The following SLC12A1 variants were observed in gnomAD, a reference collection of about 807,000 sequenced individuals.
The protein encoded by SLC12A1 is solute carrier family 12 member 1.
Under a neutral mutation model 130.4 loss-of-function variants are expected in SLC12A1, and 89 were observed. The observed-to-expected ratio is 0.68, with a 90% CI of 0.58 to 0.81. SLC12A1 has a LOEUF of 0.81. Among genes scored for constraint, SLC12A1 ranks in the 40% least tolerant of loss-of-function variants. The pLI is 0.00. For missense variants in SLC12A1, 1,310 were observed against 1,336.4 expected, an observed-to-expected ratio of 0.98 and a Z score of 0.31; for synonymous variants, 499 against 460.0, an observed-to-expected ratio of 1.08 and a Z score of -1.09.
intron 16 of SLC12A1, among the ~76,000 whole-genome samples, chr15:48,256,722 C>T (rs2041711148): frequency 6.6e-6 from 1 of 152,036 alleles, no homozygotes; most frequent in African/African-American, 2.4e-5. Context: ...TCAATTACCT[C>T]CCACTGGGTC....
chr15:48,298,731 T>C (rs1212053225), intron 24 of SLC12A1, among the ~76,000 whole-genome samples: 1 of 152,214 alleles, frequency 6.6e-6, no homozygotes, highest in Non-Finnish European at 1.5e-5. Context: ...ATGTCTCCCA[T>C]AGAGTCTGTA....
intron 15 of SLC12A1, 137 bp downstream of exon 15, chr15:48,251,907 T>C (rs891208361): frequency 8.2e-6 from 6 of 733,138 alleles, no homozygotes; most frequent in Non-Finnish European, 1.3e-5. Context: ...TGCAATATAA[T>C]AGTAACAATA....
chr15:48,262,789 A>G (rs2041790503), intron 17 of SLC12A1, among the ~76,000 whole-genome samples: 1 of 152,210 alleles, frequency 6.6e-6, no homozygotes, highest in Non-Finnish European at 1.5e-5. Flanking sequence ...AGGAAGACAG[A>G]GGGAGGAAAA....
chr15:48,288,581 T>G, intron 23 of SLC12A1, 65 bp downstream of exon 23: 1 of 779,658 alleles, frequency 1.3e-6, no homozygotes. Context: ...GCTTTAATTT[T>G]AATAACTTTA....
At chr15:48,234,237 G>C (rs1319413899) in intron 8 of SLC12A1, among the ~76,000 whole-genome samples, 11 of 152,156 alleles carry the variant, frequency 7.2e-5, no homozygotes, top group Non-Finnish European at 1.5e-5. Context: ...GGGTATGCCA[G>C]TGTGATCATG....
chr15:48,299,263 A>G lies in SLC12A1; in HGVS notation c.3084A>G (p.Ala1028=). Residue 1028 remains alanine (A), a synonymous_variant, in exon 25 of 27, where the codon GCA becomes GCG. Transcript: ENST00000380993. ...PWKITDAELE[A]VKEKSYRQVR... is the part of the protein sequence containing the mutation. ...AAATTACAGATGCAGAACTGGAAGCAGTCAAGGAAAAGGTAAGGATTTGTC... is the reference window on the plus strand; with the variant it reads ...AAATTACAGATGCAGAACTGGAAGCGGTCAAGGAAAAGGTAAGGATTTGTC... 6.3e-7 allele frequency: 1 copy of G among 1,596,962 alleles called. No individual in the cohort carries two copies. The highest frequency in any genetic ancestry group is 8.5e-7 in the Non-Finnish European group (1 of 1,174,708).
At chr15:48,221,285 A>G (rs1375189256) in intron 4 of SLC12A1, 1 of 699,846 alleles carries the variant, frequency 1.4e-6, no homozygotes. Context: ...TTAATTTTAG[A>G]TAATAATATT....
rs1249353719 is a variant in SLC12A1, at chr15:48,303,050, T to C, written c.*165T>C. On this transcript the variant is annotated 3_prime_UTR_variant, in exon 27 of 27. Coordinates refer to ENST00000380993, the MANE Select transcript of SLC12A1 (RefSeq NM_000338.3). ...AATTTTTATCAGTTAATGCGAGCTT[T>C]TTTTTCTCTTCTCAGCTTAAGGGGT... is the stretch of plus-strand genomic sequence containing the variant. 3 of 500,830 alleles carry C rather than the reference T, an allele frequency of 6.0e-6. No individual in the cohort carries two copies. The East Asian group carries it at 9.9e-5, about 17-fold the overall frequency. The allele number at this position is 500,830 out of a possible 1,614,324, so 31.0% of individuals were successfully genotyped here.
intron 19 of SLC12A1, among the ~76,000 whole-genome samples, chr15:48,270,625 T>C (rs1717007717): frequency 7.0e-6 from 1 of 142,544 alleles, no homozygotes. Context: ...ATATATTATA[T>C]ATTACATACT....
intron 17 of SLC12A1, among the ~76,000 whole-genome samples, chr15:48,261,863 C>A (rs980591487): frequency 5.3e-5 from 8 of 152,092 alleles, no homozygotes; most frequent in African/African-American, 1.9e-4. Context: ...CCCTTAGGCA[C>A]ATAATTTCAT....
chr15:48,235,326 G>T, intron 9 of SLC12A1: 2 of 284,136 alleles, frequency 7.0e-6, no homozygotes, highest in South Asian at 5.0e-5. Flanking sequence ...AAATGAATAG[G>T]AATATTTTCC....
chr15:48,258,458 G>T (rs1353044178), intron 16 of SLC12A1, among the ~76,000 whole-genome samples: 3 of 147,576 alleles, frequency 2.0e-5, no homozygotes, highest in African/African-American at 7.3e-5. Context: ...GAACTTTATT[G>T]TCCATATCAC....
In SLC12A1 at chr15:48,244,738, C is replaced by T. The variant is rs763550036; in HGVS notation, c.1301-15C>T. 1.9e-6 allele frequency: 3 copies of T among 1,613,438 alleles called. No homozygotes were observed. The highest frequency in any genetic ancestry group is 1.7e-6 in the Non-Finnish European group (2 of 1,179,556). On this transcript the variant is annotated splice_polypyrimidine_tract_variant and intron_variant, in intron 10 of 26. Coordinates refer to ENST00000380993, the MANE Select transcript of SLC12A1 (RefSeq NM_000338.3). ...AACTTTATAAAGAAATAACAAGCCA[C>T]GGTTGTTTCCACAGGGGCCTGTGTG...
intron 13 of SLC12A1, among the ~76,000 whole-genome samples, chr15:48,248,512 A>G (rs2041609383): frequency 6.6e-6 from 1 of 152,238 alleles, no homozygotes; most frequent in Non-Finnish European, 1.5e-5. Flanking sequence ...GGCTCCACCC[A>G]TAAGCTTCAT....
At chr15:48,287,898 T>A in intron 21 of SLC12A1, 145 bp from the exon 22 acceptor site, 1 of 825,052 alleles carries the variant, frequency 1.2e-6, no homozygotes, top group South Asian at 3.1e-5. Flanking sequence ...TATCTCTGCC[T>A]TTTGAAGAAT....
chr15:48,277,211 A>G (rs1028057467), intron 20 of SLC12A1, among the ~76,000 whole-genome samples: 2 of 152,060 alleles, frequency 1.3e-5, no homozygotes, highest in Non-Finnish European at 2.9e-5. Context: ...AAAATTGAAG[A>G]CGTAGGCAAA....
Position 48,229,319 on chromosome 15 carries a change from T to A in SLC12A1, c.855T>A (p.Asp285Glu). The change falls in exon 6 of 27, where the codon GAT becomes GAA. Residue 285 changes from aspartate (D) to glutamate (E), a missense_variant. By Grantham distance (45) the Asp-to-Glu change is conservative (BLOSUM62 2). Coordinates refer to ENST00000380993, the MANE Select transcript of SLC12A1 (RefSeq NM_000338.3). Reference sequence around the variant, plus strand: ...TGGGATTTGCTGAGACTGTAGTAGATCTTCTTAAGGTAATTAAAAGCTTTT... The same window carrying A: ...TGGGATTTGCTGAGACTGTAGTAGAACTTCTTAAGGTAATTAAAAGCTTTT... Reference protein sequence around the residue: ...YVVGFAETVVDLLKESDSMMV... With the variant: ...YVVGFAETVVELLKESDSMMV... 1 of 1,599,204 alleles carries A rather than the reference T, an allele frequency of 6.3e-7. No individual in the cohort carries two copies. Among genetic ancestry groups the A allele is most frequent in the Non-Finnish European group, 8.5e-7 (1 of 1,172,244 alleles).
Position 48,298,413 on chromosome 15 carries a change from G to A in SLC12A1, c.2961-727G>A, listed in dbSNP as rs565726422. Among the ~76,000 whole-genome samples the A allele has an allele frequency of 1.2e-4, 19 of 152,210 alleles. No individual in the cohort carries two copies. The South Asian group carries it at 2.5e-3, about 20-fold the overall frequency. ...CTTAGCTGCTAGTTTTCTCCTCAGC[G>A]ATTTCTTTTTAAATGTTCTAACATA... On this transcript the variant is annotated intron_variant, in intron 24 of 26. Coordinates refer to ENST00000380993, the MANE Select transcript of SLC12A1 (RefSeq NM_000338.3).
intron 5 of SLC12A1, chr15:48,227,739 T>C (rs1218160144): frequency 6.5e-6 from 1 of 153,190 alleles, no homozygotes; most frequent in Non-Finnish European, 1.5e-5. Context: ...TGTTCTGTCT[T>C]CCTTTGTTCC....
Sources: gnomAD v4.1 joint callset for allele counts (sites outside exome capture counted in the v4.1 genomes callset) on GRCh38, gnomAD v4.1.1 for gene constraint, MANE v1.5 for transcripts, NCBI Gene and HGNC (gene_info 2026-07-23, HGNC 2026-07-21) for gene names.